Variants in PSMD8 observed in about 807,000 individuals in gnomAD.
PSMD8 encodes proteasome 26S subunit, non-ATPase 8.
In PSMD8, 30 loss-of-function variants were observed where a neutral mutation model predicts 40.0. That is an observed-to-expected ratio of 0.75 (90% confidence interval 0.56 to 1.02). The LOEUF (loss-of-function observed/expected upper bound fraction) is 1.02, where lower values mean the gene tolerates loss of function less well. Among genes scored for constraint, PSMD8 ranks in the 50% least tolerant of loss-of-function variants. The pLI is 0.00. For missense variants in PSMD8, 461 were observed against 463.9 expected (o/e 0.99, Z 0.06); for synonymous variants, 208 against 192.5 (o/e 1.08, Z -0.67).
chr19:38,380,579 C>T (rs1970630978), intron 4 of PSMD8, among the ~76,000 whole-genome samples: 1 of 149,136 alleles, frequency 6.7e-6, no homozygotes, highest in Non-Finnish European at 1.5e-5. Flanking sequence ...GTGGTGGAGC[C>T]AGCGCTGTCT....
At chr19:38,376,557 C>A in intron 3 of PSMD8, 103 bp downstream of exon 3, 2 of 1,055,598 alleles carry the variant, frequency 1.9e-6, no homozygotes, top group Non-Finnish European at 2.8e-6. Flanking sequence ...CTGGGAACTC[C>A]TCCTGGCTTA....
At chr19:38,379,552 C>T in intron 4 of PSMD8, 147 bp downstream of exon 4, 1 of 882,560 alleles carries the variant, frequency 1.1e-6, no homozygotes. Context: ...AATACTGAGT[C>T]CCAGCTGTGT....
rs766807761 is a variant in PSMD8 at position 38,383,420 on chromosome 19, C to T, written c.*30C>T. The T allele has an allele frequency of 1.4e-5, 22 of 1,613,514 alleles. No individual in the cohort carries two copies. The highest frequency in any genetic ancestry group is 1.6e-4 in the Middle Eastern group (1 of 6,062). On this transcript the variant is annotated 3_prime_UTR_variant, in exon 7 of 7. Transcript: ENST00000215071. The stretch of plus-strand genomic sequence containing the variant: ...CCCGGGCACTGGGTGGGGCAGGGCA[C>T]GAGTTATTTAAAACAGTTACACTGC...
Position 38,377,986 on chromosome 19 carries a change from C to T in PSMD8, c.537-1254C>T, listed in dbSNP as rs1600496845. On this transcript the variant is annotated intron_variant, in intron 3 of 6. Coordinates refer to ENST00000215071, the MANE Select transcript of PSMD8 (RefSeq NM_002812.5). Reference sequence around the variant, plus strand: ...AGCTAACACTTTGTGTTTATTTGGGCCAGGTATTGTTCTAATCACCTTACC... The same window carrying T: ...AGCTAACACTTTGTGTTTATTTGGGTCAGGTATTGTTCTAATCACCTTACC... Among the ~76,000 whole-genome samples the T allele has an allele frequency of 2.0e-5, 3 of 152,310 alleles. No homozygotes were observed. In the East Asian group the frequency reaches 5.8e-4, roughly 29 times the overall value.
intron 1 of PSMD8, 134 bp downstream of exon 1, chr19:38,375,095 T>C: frequency 7.1e-7 from 1 of 1,401,102 alleles, no homozygotes; most frequent in Non-Finnish European, 9.4e-7. Context: ...GGGGATCCGA[T>C]GGGGTGAAAG....
At chr19:38,380,300 C>G (rs540745284) in intron 4 of PSMD8, among the ~76,000 whole-genome samples, 1 of 152,308 alleles carries the variant, frequency 6.6e-6, no homozygotes, top group Admixed American at 6.5e-5. Context: ...GGGTAAGGGA[C>G]TGAACCCTGT....
At chr19:38,377,566 G>A (rs75876542) in intron 3 of PSMD8, among the ~76,000 whole-genome samples, 3 of 151,740 alleles carry the variant, frequency 2.0e-5, no homozygotes, top group Admixed American at 1.3e-4. Context: ...GTGCAATCTC[G>A]GCTCACCACA....
At chr19:38,382,914 G>GAAAA in intron 6 of PSMD8, 4 of 182,210 alleles carry the variant, frequency 2.2e-5, no homozygotes, top group South Asian at 1.8e-4. Context: ...TCTGTCTGGG[G>GAAAA]AAAAAAAAAA....
At chr19:38,376,123 C>T (rs1568387237) in intron 1 of PSMD8, 37 bp from the exon 2 acceptor site, 1 of 1,536,400 alleles carries the variant, frequency 6.5e-7, no homozygotes, top group East Asian at 2.3e-5. Flanking sequence ...TTTGAATTCC[C>T]TTCTTTTCTT....
rs1292183008 is a variant in PSMD8 at position 38,374,641 on chromosome 19, G to A, written c.40G>A (p.Glu14Lys). ...KGRAPRAPPR[E>K]RRRATRGGLR... ...CAGGGCTCCGAGGGCGCCACCTCGA[G>A]AGCGACGGCGGGCTACCCGGGGCGG... The change falls in exon 1 of 7, where the codon GAG becomes AAG. Residue 14 changes from glutamate to lysine, a missense_variant. Coordinates refer to ENST00000215071, the MANE Select transcript of PSMD8 (RefSeq NM_002812.5). The A allele has an allele frequency of 1.3e-6, 2 of 1,514,766 alleles. No individual in the cohort carries two copies. Among genetic ancestry groups the A allele is most frequent in the East Asian group, 2.4e-5 (1 of 41,070 alleles). The allele number at this position is 1,514,766 out of a possible 1,614,324, so 93.8% of individuals were successfully genotyped here. A position where few individuals can be genotyped will look rare whatever the true frequency, so the allele number is the denominator to read the frequency against.
At chr19:38,376,122 CCTT>C (rs1198625143) in intron 1 of PSMD8, 35 bp from the exon 2 acceptor site, 3 of 1,532,348 alleles carry the variant, frequency 2.0e-6, no homozygotes, top group Non-Finnish European at 2.7e-6. Context: ...ATTTGAATTC[CCTT>C]CTTTTCTTTC....
At position 38,379,419 on chromosome 19, in the gene PSMD8, G is replaced by A; in HGVS notation, c.702+14G>A. 5.0e-6 allele frequency: 8 copies of A among 1,613,390 alleles called. No homozygotes were observed. The highest frequency in any genetic ancestry group is 5.9e-6 in the Non-Finnish European group (7 of 1,179,556). ...TCCCTGGAGCAAGTGAGATGGCAAG[G>A]GGCAGGGGAGGACCTGGCCAAAGTG... On this transcript the variant is annotated intron_variant, in intron 4 of 6. Transcript: ENST00000215071.
Position 38,376,357 on chromosome 19 carries a change from A to G in PSMD8, c.439A>G (p.Ile147Val). ...TKQQLILARDILEIGAQWSIL... is the reference protein window; with the variant it reads ...TKQQLILARDVLEIGAQWSIL... ...GCTCACTCTGTCACCCACAGGTGAC[A>G]TACTGGAGATCGGGGCCCAATGGAG... The change falls in exon 3 of 7, where the codon ATA (isoleucine) becomes GTA (valine). Residue 147 changes from isoleucine to valine, a missense_variant. Around this residue, in one of 2 missense-constraint regions of PSMD8, gnomAD observed 236 missense variants for 321.2 expected, o/e 0.73. Coordinates refer to ENST00000215071, the MANE Select transcript of PSMD8 (RefSeq NM_002812.5). 1 of 1,552,008 alleles carries G rather than the reference A, an allele frequency of 6.4e-7. No homozygotes were observed. Among genetic ancestry groups the G allele is most frequent in the South Asian group, 1.2e-5 (1 of 84,132 alleles).
intron 5 of PSMD8, chr19:38,381,213 A>G (rs965513154): frequency 4.0e-6 from 2 of 497,310 alleles, no homozygotes; most frequent in Non-Finnish European, 7.1e-6. Flanking sequence ...GGCTGTTGAC[A>G]TGTGTGGCCA....
chr19:38,383,144 A>G (rs1465791829), intron 6 of PSMD8, 109 bp from the exon 7 acceptor site: 10 of 1,432,730 alleles, frequency 7.0e-6, no homozygotes, highest in Non-Finnish European at 8.7e-6. Flanking sequence ...GCAGAGTACG[A>G]TTGGTGAGAA....
At chr19:38,380,390 A>T (rs1228799979) in intron 4 of PSMD8, among the ~76,000 whole-genome samples, 1 of 152,160 alleles carries the variant, frequency 6.6e-6, no homozygotes, top group African/African-American at 2.4e-5. Context: ...GACAGCCAAG[A>T]AGACAGTGTT....
intron 3 of PSMD8, 136 bp downstream of exon 3, chr19:38,376,590 G>A: frequency 1.3e-6 from 1 of 788,350 alleles, no homozygotes; most frequent in East Asian, 2.7e-5. Flanking sequence ...GTGGTGCAGG[G>A]TCAGGGCTTG....
intron 4 of PSMD8, among the ~76,000 whole-genome samples, 192 bp from the exon 5 acceptor site, chr19:38,380,707 A>AGAGAGAGAGG (rs1555743507): frequency 3.3e-5 from 4 of 120,884 alleles, no homozygotes; most frequent in East Asian, 5.3e-4. Context: ...AGAGAGAGAG[A>AGAGAGAGAGG]GTGTGTGTGT....
Position 38,379,333 on chromosome 19 carries a change from G to C in PSMD8, c.630G>C (p.Thr210=), listed in dbSNP as rs911967372. The change falls in exon 4 of 7, where the codon ACG becomes ACC. Residue 210 remains threonine, a synonymous_variant. Coordinates refer to ENST00000215071, the MANE Select transcript of PSMD8 (RefSeq NM_002812.5). ...AGAACCGGGTGGCTGAGTTCCACAC[G>C]GAGTTGGAGCGGCTGCCTGCCAAGG... The part of the protein sequence containing the change: ...LSQNRVAEFH[T]ELERLPAKDI... 11 of 1,613,900 alleles carry C rather than the reference G, an allele frequency of 6.8e-6. No homozygotes were observed. The Admixed American group carries it at 8.3e-5, about 12-fold the overall frequency.
Sources: allele counts gnomAD v4.1 joint callset (sites outside exome capture counted in the v4.1 genomes callset), GRCh38; gene constraint gnomAD v4.1.1; regional missense constraint gnomAD v4.1.1; transcripts MANE v1.5; gene names NCBI Gene and HGNC (gene_info 2026-07-23, HGNC 2026-07-21).